Variants in SUGP1 observed in about 807,000 individuals in gnomAD.
The protein encoded by SUGP1 is SURP and G-patch domain containing 1.
SUGP1 carries 34 observed loss-of-function variants against 76.5 expected under a neutral mutation model. The observed-to-expected ratio is 0.44, with a 90% CI of 0.34 to 0.59. SUGP1 has a LOEUF of 0.59. Ranked by LOEUF, SUGP1 falls within the 20% of genes least tolerant of loss-of-function variation. The pLI is 0.01. For synonymous variants in SUGP1, 326 were observed against 326.2 expected (o/e 1.00, Z 0.01); for missense variants, 752 against 851.7 (o/e 0.88, Z 1.46).
At chr19:19,289,351 C>T (rs2061164401) in intron 8 of SUGP1, among the ~76,000 whole-genome samples, 1 of 151,566 alleles carries the variant, frequency 6.6e-6, no homozygotes, top group South Asian at 2.1e-4. Flanking sequence ...CCTGTAATCC[C>T]AGCACTTTGG....
chr19:19,289,059 C>T (rs2034290878), intron 8 of SUGP1, among the ~76,000 whole-genome samples: 1 of 151,504 alleles, frequency 6.6e-6, no homozygotes, highest in African/African-American at 2.4e-5. Context: ...GCTGGGATTA[C>T]AGGTGTGAGC....
chr19:19,283,548 G>C (rs1318933056), intron 8 of SUGP1, among the ~76,000 whole-genome samples: 1 of 152,060 alleles, frequency 6.6e-6, no homozygotes, highest in Admixed American at 6.5e-5. Context: ...TCCGCCTCCT[G>C]GGTTCAAGAG....
chr19:19,306,635 T>G (rs2061320094), intron 3 of SUGP1, among the ~76,000 whole-genome samples: 1 of 152,214 alleles, frequency 6.6e-6, no homozygotes, highest in Non-Finnish European at 1.5e-5. Context: ...CTCTGGTCGG[T>G]AAACCCCAAA....
chr19:19,295,890 A>T (rs2061221660), intron 8 of SUGP1, among the ~76,000 whole-genome samples: 1 of 152,158 alleles, frequency 6.6e-6, no homozygotes, highest in South Asian at 2.1e-4. Context: ...TGGGGAAAAA[A>T]GGACTAAAAT....
At chr19:19,280,737 A>C (rs2146591798) in intron 8 of SUGP1, 1 of 162,516 alleles carries the variant, frequency 6.2e-6, no homozygotes, top group East Asian at 1.8e-4. Context: ...GCACAGATTC[A>C]GAGTCTGGCG....
intron 5 of SUGP1, 79 bp downstream of exon 5, chr19:19,303,645 C>G: frequency 6.4e-7 from 1 of 1,564,472 alleles, no homozygotes; most frequent in Non-Finnish European, 8.8e-7. Flanking sequence ...CCCACACTAG[C>G]AAGCACCCAG....
chr19:19,278,031 C>G (rs1177213281), intron 11 of SUGP1, 152 bp from the exon 12 acceptor site: 1 of 961,992 alleles, frequency 1.0e-6, no homozygotes. Context: ...ACAAACAGAC[C>G]AAGCTCCTCC....
intron 2 of SUGP1, among the ~76,000 whole-genome samples, chr19:19,314,657 A>C (rs1269557293): frequency 1.3e-5 from 2 of 152,226 alleles, no homozygotes; most frequent in African/African-American, 4.8e-5. Flanking sequence ...GGACAAGGAA[A>C]GACAAGAAAT....
At chr19:19,293,200 G>A (rs1465340757) in intron 8 of SUGP1, among the ~76,000 whole-genome samples, 6 of 151,232 alleles carry the variant, frequency 4.0e-5, no homozygotes, top group Non-Finnish European at 7.4e-5. Flanking sequence ...GTGAGTCACC[G>A]TGCCTGGCCT....
rs2061311162 is a variant in SUGP1, at chr19:19,305,715, A to C, written c.538+134T>G. 5 of 835,240 alleles carry C rather than the reference A, an allele frequency of 6.0e-6. No individual in the cohort carries two copies. In the Admixed American group the frequency reaches 1.5e-4, roughly 25 times the overall value. The allele number at this position is 835,240 out of a possible 1,614,324, so 51.7% of individuals were successfully genotyped here. On this transcript the variant is annotated intron_variant, in intron 4 of 13. Coordinates refer to ENST00000247001, the MANE Select transcript of SUGP1 (RefSeq NM_172231.4). ...CCTCACCTCAGAGGGCCTGAGGCTCAGCTCAGAGGTCTGGTGGCTGCAACT... is the reference window on the plus strand; with the variant it reads ...CCTCACCTCAGAGGGCCTGAGGCTCCGCTCAGAGGTCTGGTGGCTGCAACT...
intron 8 of SUGP1, chr19:19,281,337 G>A (rs751022896): frequency 6.6e-6 from 1 of 152,220 alleles, no homozygotes; most frequent in Non-Finnish European, 1.5e-5. Context: ...CAGAGCTGGG[G>A]TGTGTGCGCA....
At chr19:19,290,337 TA>T (rs1427061778) in intron 8 of SUGP1, among the ~76,000 whole-genome samples, 1 of 152,152 alleles carries the variant, frequency 6.6e-6, no homozygotes, top group Non-Finnish European at 1.5e-5. Context: ...AATGTTTAGA[TA>T]ATCAATGTAC....
At position 19,278,798 on chromosome 19, in the gene SUGP1, T is replaced by C; in HGVS notation, c.1529-2A>G. 1.2e-6 allele frequency: 2 copies of C among 1,612,458 alleles called. No homozygotes were observed. The highest frequency in any genetic ancestry group is 1.7e-6 in the Non-Finnish European group (2 of 1,179,368). ...TCTTTGTCAGCTGCTCGGCCCATTCTGCTCAGAGAAGCAGAAAGGTGAGAA... is the reference window on the plus strand; with the variant it reads ...TCTTTGTCAGCTGCTCGGCCCATTCCGCTCAGAGAAGCAGAAAGGTGAGAA... On this transcript the variant is annotated splice_acceptor_variant, in intron 10 of 13. Coordinates refer to ENST00000247001, the MANE Select transcript of SUGP1 (RefSeq NM_172231.4). LOFTEE classifies it high-confidence loss of function.
intron 4 of SUGP1, among the ~76,000 whole-genome samples, chr19:19,304,319 C>T (rs2061298453): frequency 6.6e-6 from 1 of 152,144 alleles, no homozygotes; most frequent in African/African-American, 2.4e-5. Flanking sequence ...GGTGGAACCT[C>T]TTCAAGCTGG....
chr19:19,283,876 C>T (rs1025650178), intron 8 of SUGP1, among the ~76,000 whole-genome samples: 3 of 152,248 alleles, frequency 2.0e-5, no homozygotes, highest in Non-Finnish European at 2.9e-5. Flanking sequence ...TGAGCCACTG[C>T]ACCTAGCAGA....
intron 8 of SUGP1, among the ~76,000 whole-genome samples, chr19:19,281,888 CT>C (rs1402217522): frequency 6.6e-6 from 1 of 152,232 alleles, no homozygotes; most frequent in Admixed American, 6.5e-5. Context: ...TAGGCTGGCC[CT>C]CCCCGAAATT....
At chr19:19,290,054 C>T (rs1246377337) in intron 8 of SUGP1, among the ~76,000 whole-genome samples, 1 of 152,164 alleles carries the variant, frequency 6.6e-6, no homozygotes, top group African/African-American at 2.4e-5. Context: ...CTAAGAGCAA[C>T]ATGAACTTCT....
chr19:19,278,544 T>G, intron 11 of SUGP1, 146 bp downstream of exon 11: 1 of 662,250 alleles, frequency 1.5e-6, no homozygotes, highest in Non-Finnish European at 2.7e-6. Flanking sequence ...CGCCTGTCAT[T>G]AACAGATGCC....
rs138730965 is a variant in SUGP1 at position 19,306,959 on chromosome 19, C to G, written c.311-883G>C. On this transcript the variant is annotated intron_variant, in intron 3 of 13. Transcript: ENST00000247001. ...GAGCCCTGAGTCTGGTGGGGAGCAGCATCATGAAATTGGCCAGCTCACCAC... is the reference window on the plus strand; with the variant it reads ...GAGCCCTGAGTCTGGTGGGGAGCAGGATCATGAAATTGGCCAGCTCACCAC... 1.4e-3 allele frequency among the ~76,000 whole-genome samples: 218 copies of G among 152,268 alleles called. 1 individual carries two copies. Among genetic ancestry groups the G allele is most frequent in the African/African-American group, 5.0e-3 (207 of 41,552 alleles).
Sources: allele counts gnomAD v4.1 joint callset (sites outside exome capture counted in the v4.1 genomes callset), GRCh38; gene constraint gnomAD v4.1.1; transcripts MANE v1.5; gene names NCBI Gene and HGNC (gene_info 2026-07-23, HGNC 2026-07-21).